ZNF488: variants seen among roughly 807,000 people sequenced by gnomAD.
ZNF488 encodes the protein zinc finger protein 488.
A neutral mutation model predicts 1.2 loss-of-function variants in ZNF488; 1 was observed. The ratio of observed to expected loss-of-function variants is 0.86; its 90% confidence interval spans 0.30 to 4.07. ZNF488 has a LOEUF of 4.07. Among genes scored for constraint, ZNF488 ranks in the 30% most tolerant of loss-of-function variants. ZNF488 has a pLI of 0.18. For synonymous variants in ZNF488, 185 were observed against 190.1 expected, an observed-to-expected ratio of 0.97 and a Z score of 0.22; for missense variants, 450 against 437.9, an observed-to-expected ratio of 1.03 and a Z score of -0.25.
chr10:47,378,846 A>G (rs559300853), intron 1 of ZNF488, among the ~76,000 whole-genome samples: 1 of 152,236 alleles, frequency 6.6e-6, no homozygotes, highest in African/African-American at 2.4e-5. Flanking sequence ...CACGTGGTGC[A>G]GCAGGCTCCA....
intron 1 of ZNF488, among the ~76,000 whole-genome samples, chr10:47,380,144 G>T: frequency 6.6e-6 from 1 of 152,378 alleles, no homozygotes; most frequent in Admixed American, 6.5e-5. Context: ...TTCACACCCG[G>T]GCTCTCACCC....
rs1424566856 is a variant in ZNF488, at chr10:47,368,926, G to A, written c.-97C>T. On this transcript the variant is annotated 5_prime_UTR_variant, in exon 2 of 2. Transcript: ENST00000585316. ...CCATGACACTGGGCTGGACACACTC[G>A]GCCACAGGGCCCTGCAGAGAGAGGA... The A allele has an allele frequency of 1.9e-5, 27 of 1,410,204 alleles. No homozygotes were observed. The highest frequency in any genetic ancestry group is 6.9e-5 in the Admixed American group (3 of 43,686). The allele number at this position is 1,410,204 out of a possible 1,614,324, so 87.4% of individuals were successfully genotyped here. A position where few individuals can be genotyped will look rare whatever the true frequency, so the allele number is the denominator to read the frequency against.
At chr10:47,382,561 C>T (rs1457503956) in intron 1 of ZNF488, among the ~76,000 whole-genome samples, 1 of 151,990 alleles carries the variant, frequency 6.6e-6, no homozygotes, top group Non-Finnish European at 1.5e-5. Flanking sequence ...AGTCTTTTAT[C>T]CCTCCCCCCA....
chr10:47,371,505 A>G (rs1292522218), intron 1 of ZNF488, among the ~76,000 whole-genome samples: 2 of 152,308 alleles, frequency 1.3e-5, no homozygotes, highest in African/African-American at 4.8e-5. Flanking sequence ...CATATAATAC[A>G]CTATATATGT....
In ZNF488 at chr10:47,366,713, G is replaced by A; in HGVS notation, c.*1094C>T. ...TACAACAGCTACTGACCGAAACGCA[G>A]TAGATAATAAATGGTACCTAGAATG... On this transcript the variant is annotated 3_prime_UTR_variant, in exon 2 of 2. Coordinates refer to ENST00000585316, the MANE Select transcript of ZNF488 (RefSeq NM_153034.4). The A allele has an allele frequency of 6.0e-6, 1 of 167,184 alleles. No homozygotes were observed. The highest frequency in any genetic ancestry group is 3.4e-3 in the Middle Eastern group (1 of 296). 10.4% of individuals were successfully genotyped at this position (167,184 alleles called of 1,614,324 possible).
In ZNF488 at chr10:47,368,325, G is replaced by A. The variant is rs554619108; in HGVS notation, c.505C>T (p.Arg169Ter). 28 of 1,614,048 alleles carry A rather than the reference G, an allele frequency of 1.7e-5. No individual in the cohort carries two copies. Among genetic ancestry groups the A allele is most frequent in the Middle Eastern group, 1.6e-4 (1 of 6,084 alleles). The change falls in exon 2 of 2, where the codon CGA becomes TGA. Residue 169 changes from arginine to a stop codon, truncating the protein, a stop_gained. Transcript: ENST00000585316. LOFTEE classifies it low-confidence loss of function (END_TRUNC). ...QRSAFSKPTK[R>*]PAERPELTSV... ...GTTAGCTCAGGCCTCTCTGCTGGTC[G>A]CTTGGTTGGTTTGCTAAAGGCGCTT...
At chr10:47,379,434 T>G (rs1555214826) in intron 1 of ZNF488, among the ~76,000 whole-genome samples, 2 of 107,648 alleles carry the variant, frequency 1.9e-5, no homozygotes, top group Non-Finnish European at 4.0e-5. Flanking sequence ...ATCCAGATCT[T>G]AATAAGAAGG....
rs149264496 is a variant in ZNF488 at position 47,371,456 on chromosome 10, T to C, written c.-108-2519A>G. 7.2e-5 allele frequency among the ~76,000 whole-genome samples: 11 copies of C among 152,254 alleles called. No homozygotes were observed. The East Asian group carries it at 1.9e-3, about 27-fold the overall frequency. On this transcript the variant is annotated intron_variant, in intron 1 of 1. Coordinates refer to ENST00000585316, the MANE Select transcript of ZNF488 (RefSeq NM_153034.4). ...TAATTTTTACTATGTACATACACCA[T>C]ATAACATATAGTATACATAGTATGT...
At chr10:47,374,790 T>C (rs565158672) in intron 1 of ZNF488, among the ~76,000 whole-genome samples, 1 of 152,314 alleles carries the variant, frequency 6.6e-6, no homozygotes, top group Admixed American at 6.5e-5. Flanking sequence ...GAGTGACAGA[T>C]ATCACCTGCA....
At chr10:47,371,883 G>T (rs1384922889) in intron 1 of ZNF488, among the ~76,000 whole-genome samples, 1 of 152,140 alleles carries the variant, frequency 6.6e-6, no homozygotes, top group African/African-American at 2.4e-5. Context: ...TTCCCAGTGG[G>T]TGGACTATTT....
At chr10:47,377,109 G>A (rs1837707832) in intron 1 of ZNF488, among the ~76,000 whole-genome samples, 1 of 152,202 alleles carries the variant, frequency 6.6e-6, no homozygotes, top group South Asian at 2.1e-4. Flanking sequence ...ACCCCCGCAG[G>A]GCATCTCAGG....
Position 47,367,458 on chromosome 10 carries a change from G to A in ZNF488, c.*349C>T. 3 of 286,422 alleles carry A rather than the reference G, an allele frequency of 1.0e-5. No individual in the cohort carries two copies. The South Asian group carries it at 2.6e-4, about 25-fold the overall frequency. 17.7% of individuals were successfully genotyped at this position (286,422 alleles called of 1,614,324 possible). A position where few individuals can be genotyped will look rare whatever the true frequency, so the allele number is the denominator to read the frequency against. On this transcript the variant is annotated 3_prime_UTR_variant, in exon 2 of 2. Transcript: ENST00000585316. ...GAAAATGGGGACTCAGCAGGTTAAA[G>A]CTCTTTGTCCAGGGTCACAGCTAGT...
intron 1 of ZNF488, among the ~76,000 whole-genome samples, chr10:47,383,545 G>A (rs138262069): frequency 1.3e-5 from 2 of 152,324 alleles, no homozygotes; most frequent in African/African-American, 4.8e-5. Context: ...AAAATGTCAA[G>A]GAAAGGATTC....
intron 1 of ZNF488, among the ~76,000 whole-genome samples, chr10:47,377,048 T>C (rs1348348516): frequency 2.0e-5 from 3 of 152,252 alleles, no homozygotes; most frequent in African/African-American, 4.8e-5. Context: ...TATCACCTAC[T>C]GGACTGTTGG....
Position 47,368,047 on chromosome 10 carries a change from G to C in ZNF488, c.783C>G (p.Leu261=). 1 of 1,614,108 alleles carries C rather than the reference G, an allele frequency of 6.2e-7. No homozygotes were observed. The highest frequency in any genetic ancestry group is 8.5e-7 in the Non-Finnish European group (1 of 1,179,998). ...CCAGGGAGGTGAGGGTGGGTGGCAG[G>C]AGGGCCCACGAAGTGGTGGAGGATG... The part of the protein sequence containing the change: ...PSSSSTTSWA[L]LPPTLTSLGL... The change falls in exon 2 of 2, where the codon CTC becomes CTG. Residue 261 remains leucine, a synonymous_variant. Coordinates refer to ENST00000585316, the MANE Select transcript of ZNF488 (RefSeq NM_153034.4).
At chr10:47,377,879 G>A (rs1555214644) in intron 1 of ZNF488, among the ~76,000 whole-genome samples, 1 of 152,164 alleles carries the variant, frequency 6.6e-6, no homozygotes, top group Admixed American at 6.5e-5. Context: ...TTCCTTGCTG[G>A]TTGCCATACT....
chr10:47,373,217 CCT>C (rs372235358), intron 1 of ZNF488, among the ~76,000 whole-genome samples: 84 of 152,288 alleles, frequency 5.5e-4, no homozygotes, highest in African/African-American at 1.8e-3. Flanking sequence ...CTGGTTTTTC[CCT>C]CTGTTTTCCT....
chr10:47,368,525 A>G lies in ZNF488; in HGVS notation c.305T>C (p.Phe102Ser), dbSNP rs782554993. The change falls in exon 2 of 2, where the codon TTC becomes TCC. Residue 102 changes from phenylalanine (F) to serine (S), a missense_variant. Physicochemically the swap from Phe to Ser is radical, Grantham distance 155. Coordinates refer to ENST00000585316, the MANE Select transcript of ZNF488 (RefSeq NM_153034.4). ...GTCCTTCATCCTCGGCAGCTCCGTG[A>G]AGGCGCTCTGCCTCTGCTCTCCACG... ...KTRGEQRQSAFTELPRMKDRQ... is the reference protein window; with the variant it reads ...KTRGEQRQSASTELPRMKDRQ... 1.6e-5 allele frequency: 26 copies of G among 1,613,502 alleles called. No homozygotes were observed. The highest frequency in any genetic ancestry group is 2.1e-5 in the Non-Finnish European group (25 of 1,179,962).
rs1411593252 is a variant in ZNF488 at position 47,365,763 on chromosome 10, A to G, written c.*2044T>C. On this transcript the variant is annotated 3_prime_UTR_variant, in exon 2 of 2. Transcript: ENST00000585316. ...CCTCTCTAAGGAGCTGACCTGCGAG[A>G]AGAAGCCCTGTGGAACCATAGCAGG... is the stretch of plus-strand genomic sequence containing the variant. 6.0e-6 allele frequency: 1 copy of G among 167,164 alleles called. No homozygotes were observed. The highest frequency in any genetic ancestry group is 2.4e-5 in the African/African-American group (1 of 41,476). The allele number at this position is 167,164 out of a possible 1,614,324, so 10.4% of individuals were successfully genotyped here.
Sources: gnomAD v4.1 joint callset for allele counts (sites outside exome capture counted in the v4.1 genomes callset) on GRCh38, gnomAD v4.1.1 for gene constraint, MANE v1.5 for transcripts, NCBI Gene and HGNC (gene_info 2026-07-23, HGNC 2026-07-21) for gene names.